The following HSF5 variants were observed in gnomAD, a reference collection of about 807,000 sequenced individuals.
HSF5 encodes heat shock transcription factor 5.
In HSF5, 5 loss-of-function variants were observed where a neutral mutation model predicts 50.8. That is an observed-to-expected ratio of 0.10 (90% confidence interval 0.05 to 0.21). The LOEUF is 0.21. Ranked by LOEUF, HSF5 falls within the 10% of genes least tolerant of loss-of-function variation. The pLI is 1.00. For synonymous variants in HSF5, 307 were observed against 307.4 expected (o/e 1.00, Z 0.02); for missense variants, 564 against 762.6 (o/e 0.74, Z 3.07).
At chr17:58,458,727 G>A (rs755470968) in intron 5 of HSF5, 41 bp downstream of exon 5, 59 of 1,509,976 alleles carry the variant, frequency 3.9e-5, no homozygotes, top group South Asian at 5.0e-5. Context: ...ATTCTACAGC[G>A]TGATTCTACT....
At chr17:58,485,248 C>T (rs1436941109) in intron 1 of HSF5, among the ~76,000 whole-genome samples, 5 of 151,954 alleles carry the variant, frequency 3.3e-5, no homozygotes, top group African/African-American at 4.8e-5. Flanking sequence ...CCACCACGCC[C>T]GGCCCCAGAT....
chr17:58,478,033 A>G (rs1975041043), intron 2 of HSF5, among the ~76,000 whole-genome samples: 1 of 151,858 alleles, frequency 6.6e-6, no homozygotes, highest in Admixed American at 6.6e-5. Context: ...GTCTTTTCTG[A>G]AAGCTTTGAC....
intron 2 of HSF5, among the ~76,000 whole-genome samples, chr17:58,472,147 G>A (rs1436493859): frequency 6.6e-6 from 1 of 152,144 alleles, no homozygotes; most frequent in African/African-American, 2.4e-5. Context: ...GTGAGCCACT[G>A]TGCCCAGCCT....
At chr17:58,454,176 C>T (rs1348267509) in intron 5 of HSF5, among the ~76,000 whole-genome samples, 1 of 151,438 alleles carries the variant, frequency 6.6e-6, no homozygotes, top group Non-Finnish European at 1.5e-5. Context: ...TATGACCCTG[C>T]CAAATCCCCC....
chr17:58,457,481 C>G (rs1974729210), intron 5 of HSF5, among the ~76,000 whole-genome samples: 2 of 151,908 alleles, frequency 1.3e-5, no homozygotes, highest in Non-Finnish European at 2.9e-5. Flanking sequence ...CACCTGTAGT[C>G]CCAGCTACTC....
At chr17:58,461,835 A>G (rs1974797848) in intron 4 of HSF5, among the ~76,000 whole-genome samples, 1 of 152,132 alleles carries the variant, frequency 6.6e-6, no homozygotes, top group South Asian at 2.1e-4. Context: ...GCACCACTGC[A>G]CTCCAGCCTA....
chr17:58,476,418 G>A (rs1463399393), intron 2 of HSF5: 2 of 1,034,536 alleles, frequency 1.9e-6, no homozygotes, highest in South Asian at 1.3e-5. Context: ...TCTTCCTGCC[G>A]GCTTTATTCT....
chr17:58,438,606 G>A (rs942674637), intron 5 of HSF5, among the ~76,000 whole-genome samples: 1 of 151,998 alleles, frequency 6.6e-6, no homozygotes, highest in African/African-American at 2.4e-5. Context: ...ACAACCATGG[G>A]GGAAAAGATT....
chr17:58,424,252 T>A (rs1469249462), intron 5 of HSF5, among the ~76,000 whole-genome samples: 1 of 152,148 alleles, frequency 6.6e-6, no homozygotes, highest in Non-Finnish European at 1.5e-5. Context: ...CTAGTATCCA[T>A]CAACAGATGA....
intron 5 of HSF5, among the ~76,000 whole-genome samples, chr17:58,425,169 C>T (rs1317890971): frequency 6.6e-6 from 1 of 152,066 alleles, no homozygotes; most frequent in African/African-American, 2.4e-5. Context: ...GAGGCTGAGG[C>T]GGGCAGCTCA....
chr17:58,442,223 G>A (rs1372218301), intron 5 of HSF5, among the ~76,000 whole-genome samples: 2 of 152,198 alleles, frequency 1.3e-5, no homozygotes, highest in Admixed American at 1.3e-4. Context: ...GAATGCTTAG[G>A]TGGGTACATG....
At chr17:58,463,385 G>A (rs1230077145) in intron 3 of HSF5, 82 bp from the exon 4 acceptor site, 2 of 1,100,142 alleles carry the variant, frequency 1.8e-6, no homozygotes, top group Non-Finnish European at 2.6e-6. Context: ...TTAGGCTGAT[G>A]AGTGCTAAAC....
chr17:58,436,893 G>GA (rs1266930329), intron 5 of HSF5, among the ~76,000 whole-genome samples: 1 of 151,996 alleles, frequency 6.6e-6, no homozygotes, highest in Admixed American at 6.5e-5. Flanking sequence ...CTAGTACAAG[G>GA]AAAGAAAGCA....
intron 5 of HSF5, among the ~76,000 whole-genome samples, chr17:58,431,236 G>A (rs150613604): frequency 3.9e-5 from 6 of 152,156 alleles, no homozygotes; most frequent in Admixed American, 6.5e-5. Context: ...GCCCAGTCTC[G>A]GGTATGTCTT....
intron 5 of HSF5, among the ~76,000 whole-genome samples, chr17:58,434,486 G>A (rs1207296150): frequency 2.0e-5 from 3 of 151,690 alleles, no homozygotes; most frequent in Non-Finnish European, 4.4e-5. Flanking sequence ...GGGAGGCGGA[G>A]GTTGCAGTGA....
intron 2 of HSF5, chr17:58,477,016 C>G: frequency 1.7e-6 from 1 of 574,094 alleles, no homozygotes. Context: ...CAGCTTCCCC[C>G]TCACGGCACA....
chr17:58,423,013 G>A (rs1477668037), intron 5 of HSF5, among the ~76,000 whole-genome samples: 1 of 151,996 alleles, frequency 6.6e-6, no homozygotes, highest in African/African-American at 2.4e-5. Context: ...GCCTTTTATT[G>A]TAAGTGAAAA....
chr17:58,429,714 C>T (rs1014250939), intron 5 of HSF5, among the ~76,000 whole-genome samples: 6 of 151,166 alleles, frequency 4.0e-5, no homozygotes, highest in South Asian at 2.1e-4. Flanking sequence ...GGCATGGTGG[C>T]GGGCGCCTGT....
At chr17:58,484,121 C>T (rs937919924) in intron 1 of HSF5, among the ~76,000 whole-genome samples, 1 of 151,058 alleles carries the variant, frequency 6.6e-6, no homozygotes, top group African/African-American at 2.4e-5. Context: ...ACCAGTAACA[C>T]AATTCCCTAG....
Sources: allele counts gnomAD v4.1 joint callset (sites outside exome capture counted in the v4.1 genomes callset), GRCh38; gene constraint gnomAD v4.1.1; transcripts MANE v1.5; gene names NCBI Gene and HGNC (gene_info 2026-07-23, HGNC 2026-07-21).